Variants in EPAS1 observed in about 807,000 individuals in gnomAD.
EPAS1 encodes endothelial PAS domain-containing protein 1.
A neutral mutation model predicts 87.9 loss-of-function variants in EPAS1; 23 were observed. That is an observed-to-expected ratio of 0.26 (90% CI 0.19 to 0.37). The LOEUF is 0.37. Among genes scored for constraint, EPAS1 ranks in the 10% least tolerant of loss-of-function variants. EPAS1 has a pLI of 1.00. For missense variants in EPAS1, 1,138 were observed against 1,120.7 expected, an observed-to-expected ratio of 1.02 and a Z score of -0.22; for synonymous variants, 508 against 444.3, an observed-to-expected ratio of 1.14 and a Z score of -1.80.
chr2:46,356,096 C>A lies in EPAS1; in HGVS notation c.218-55C>A, dbSNP rs6743991. On this transcript the variant is annotated intron_variant, in intron 2 of 15. Coordinates refer to ENST00000263734, the MANE Select transcript of EPAS1 (RefSeq NM_001430.5). ...TGGCAAATGCCTATCTGTGCCAGTC[C>A]CATCTGTTTTCACTCCACATTCATG... The A allele has an allele frequency of 0.55, 829,268 of 1,503,122 alleles. 246,022 individuals carry two copies. The highest frequency in any genetic ancestry group is 0.89 in the East Asian group (39,625 of 44,356). 93.1% of individuals were successfully genotyped at this position (1,503,122 alleles called of 1,614,324 possible).
chr2:46,327,819 G>A (rs1318877842), intron 1 of EPAS1, among the ~76,000 whole-genome samples: 1 of 152,188 alleles, frequency 6.6e-6, no homozygotes, highest in Non-Finnish European at 1.5e-5. Context: ...CCTGGTGGTG[G>A]TCTCAGCCCC....
chr2:46,332,291 C>CGT (rs57893491), intron 1 of EPAS1, among the ~76,000 whole-genome samples: 11,168 of 110,514 alleles, frequency 0.1, 528 homozygotes, highest in African/African-American at 0.11. Flanking sequence ...AAAAAAAATA[C>CGT]GTGTGTGTGT....
chr2:46,362,977 AGTGGTGGTG>A (rs75642579), intron 6 of EPAS1, among the ~76,000 whole-genome samples: 29,115 of 104,270 alleles, frequency 0.28, 3,245 homozygotes, highest in Admixed American at 0.39. Context: ...TGGTGGTGGT[AGTGGTGGTG>A]GTGGTGGTGG....
intron 3 of EPAS1, 117 bp downstream of exon 3, chr2:46,356,419 C>T: frequency 7.5e-7 from 1 of 1,329,902 alleles, no homozygotes; most frequent in Non-Finnish European, 1.1e-6. Flanking sequence ...CCCACGGTGA[C>T]CCTCGCTGAC....
At position 46,375,557 on chromosome 2, in the gene EPAS1, G is replaced by T. The variant is rs1382655782; in HGVS notation, c.887-133G>T. 28 of 1,083,156 alleles carry T rather than the reference G, an allele frequency of 2.6e-5. No homozygotes were observed. The Admixed American group carries it at 5.4e-4, about 21-fold the overall frequency. The allele number at this position is 1,083,156 out of a possible 1,614,324, so 67.1% of individuals were successfully genotyped here. ...GCTCCCTCCCAGGTCACTCTCCCTG[G>T]TCCTCACTGTCGTGGCGCCCTGTTC... On this transcript the variant is annotated intron_variant, in intron 7 of 15. Transcript: ENST00000263734. This position sits in a 1 kb window ranked among gnomAD's most constrained non-coding sequence, Gnocchi z 4.1.
rs1048737889 is a variant in EPAS1 at position 46,376,660 on chromosome 2, A to G, written c.1156A>G (p.Ser386Gly). Residue 386 changes from serine to glycine, a missense_variant, in exon 9 of 16, where the codon AGT becomes GGT. This residue lies in a region of EPAS1 where 284 missense variants were observed against 258.4 expected (regional missense o/e 1.10). Coordinates refer to ENST00000263734, the MANE Select transcript of EPAS1 (RefSeq NM_001430.5). ...TGGCAAGGGGGCTGTGTCTGAGAAG[A>G]GTAACTTCCTATTCACCAAGCTAAA... ...SSGKGAVSEKSNFLFTKLKEE... is the reference protein window; with the variant it reads ...SSGKGAVSEKGNFLFTKLKEE... 1.2e-6 allele frequency: 2 copies of G among 1,614,010 alleles called. No homozygotes were observed. The highest frequency in any genetic ancestry group is 2.7e-5 in the African/African-American group (2 of 74,914).
chr2:46,356,070 C>A, intron 2 of EPAS1, 81 bp from the exon 3 acceptor site: 2 of 1,481,608 alleles, frequency 1.3e-6, no homozygotes, highest in Non-Finnish European at 9.4e-7. Flanking sequence ...TGCACCATCC[C>A]TGGCAAATGC....
At chr2:46,363,238 A>G (rs537323348) in intron 6 of EPAS1, among the ~76,000 whole-genome samples, 1 of 152,272 alleles carries the variant, frequency 6.6e-6, no homozygotes, top group African/African-American at 2.4e-5. Flanking sequence ...AAGTGGCTCA[A>G]GCCGACGTAG....
chr2:46,334,576 G>A (rs1181779558), intron 1 of EPAS1, among the ~76,000 whole-genome samples: 2 of 152,112 alleles, frequency 1.3e-5, no homozygotes, highest in Non-Finnish European at 2.9e-5. Context: ...AGCCCTGACT[G>A]TTCAGCCCAT....
At chr2:46,319,196 AG>A (rs1398078366) in intron 1 of EPAS1, among the ~76,000 whole-genome samples, 2 of 152,246 alleles carry the variant, frequency 1.3e-5, no homozygotes, top group Non-Finnish European at 2.9e-5. Context: ...TTGATTACAT[AG>A]GAAGAGGCTG....
intron 1 of EPAS1, among the ~76,000 whole-genome samples, chr2:46,327,137 A>C (rs1291196201): frequency 6.6e-6 from 1 of 152,226 alleles, no homozygotes; most frequent in East Asian, 1.9e-4. Flanking sequence ...CATCTGTACA[A>C]TGAAGAGATT....
intron 1 of EPAS1, among the ~76,000 whole-genome samples, chr2:46,328,037 C>A (rs868602069): frequency 6.6e-6 from 1 of 152,222 alleles, no homozygotes; most frequent in Non-Finnish European, 1.5e-5. Context: ...AACTTGGCAA[C>A]AGCCTCAAAT....
intron 1 of EPAS1, among the ~76,000 whole-genome samples, chr2:46,333,566 TGGCTG>T (rs1320782901): frequency 1.3e-5 from 2 of 151,946 alleles, no homozygotes; most frequent in African/African-American, 4.8e-5. Context: ...ACTGGGGACA[TGGCTG>T]GGCAGCAGAA....
At chr2:46,373,742 A>G (rs1472113762) in intron 7 of EPAS1, among the ~76,000 whole-genome samples, 1 of 152,200 alleles carries the variant, frequency 6.6e-6, no homozygotes, top group Admixed American at 6.5e-5. Flanking sequence ...GTATACTTCA[A>G]ATGGGTGTGT....
chr2:46,304,077 C>T (rs1683062226), intron 1 of EPAS1, among the ~76,000 whole-genome samples: 1 of 152,156 alleles, frequency 6.6e-6, no homozygotes, highest in East Asian at 1.9e-4. Context: ...CAAATTTATC[C>T]TCAAATGTTC....
Position 46,375,789 on chromosome 2 carries a change from C to T in EPAS1, c.986C>T (p.Pro329Leu). Residue 329 changes from proline (P) to leucine (L), a missense_variant, in exon 8 of 16, where the codon CCT (proline) becomes CTT (leucine). By Grantham distance (98) the Pro-to-Leu change is moderately conservative. Transcript: ENST00000263734. The surrounding 1 kb of genome is among the most constrained non-coding windows in gnomAD (Gnocchi z 4.1). ...ACCCAGGGGACGGTCATCTACAACCCTCGCAACCTGCAGCCCCAGTGCATC... is the reference window on the plus strand; with the variant it reads ...ACCCAGGGGACGGTCATCTACAACCTTCGCAACCTGCAGCCCCAGTGCATC... ...LETQGTVIYN[P>L]RNLQPQCIMC... 1 of 1,614,220 alleles carries T rather than the reference C, an allele frequency of 6.2e-7. No individual in the cohort carries two copies. Among genetic ancestry groups the T allele is most frequent in the Non-Finnish European group, 8.5e-7 (1 of 1,180,036 alleles).
intron 2 of EPAS1, among the ~76,000 whole-genome samples, chr2:46,348,519 G>T (rs2103617895): frequency 6.6e-6 from 1 of 152,306 alleles, no homozygotes; most frequent in Admixed American, 6.5e-5. Context: ...ATGACTGGAT[G>T]GAGGCCCCTT....
intron 1 of EPAS1, among the ~76,000 whole-genome samples, chr2:46,320,948 C>CGTTCATAT (rs1183829630): frequency 6.6e-6 from 1 of 152,136 alleles, no homozygotes; most frequent in African/African-American, 2.4e-5. Context: ...GCATTAAGTA[C>CGTTCATAT]GTTCATATTG....
chr2:46,338,088 C>CT (rs1683832455), intron 1 of EPAS1, among the ~76,000 whole-genome samples: 1 of 152,160 alleles, frequency 6.6e-6, no homozygotes, highest in South Asian at 2.1e-4. Context: ...GAGGGACTTG[C>CT]TTATTGGCCT....
Sources: allele counts gnomAD v4.1 joint callset (sites outside exome capture counted in the v4.1 genomes callset), GRCh38; gene constraint gnomAD v4.1.1; regional missense constraint gnomAD v4.1.1; non-coding constraint Gnocchi (gnomAD v3.1); transcripts MANE v1.5; gene names NCBI Gene and HGNC (gene_info 2026-07-23, HGNC 2026-07-21).